ABCA9: variants seen among roughly 807,000 people sequenced by gnomAD.
The protein encoded by ABCA9 is ATP binding cassette subfamily A member 9.
Under a neutral mutation model 205.3 loss-of-function variants are expected in ABCA9, and 183 were observed. The ratio of observed to expected loss-of-function variants is 0.89; its 90% CI spans 0.79 to 1.01. The LOEUF is 1.01. ABCA9 is among the 50% of genes least tolerant of loss of function. ABCA9 has a pLI of 0.00. For synonymous variants in ABCA9, 651 were observed against 683.3 expected, an observed-to-expected ratio of 0.95 and a Z score of 0.74; for missense variants, 1,805 against 1,912.4, an observed-to-expected ratio of 0.94 and a Z score of 1.05.
chr17:69,052,164 A>T (rs538347435), intron 1 of ABCA9, among the ~76,000 whole-genome samples: 119 of 152,296 alleles, frequency 7.8e-4, no homozygotes, highest in Middle Eastern at 3.4e-3. Context: ...TGAAGCCAGG[A>T]GTTAGAGACT....
intron 28 of ABCA9, among the ~76,000 whole-genome samples, 200 bp downstream of exon 28, chr17:68,991,975 G>A (rs965260244): frequency 1.3e-4 from 19 of 151,884 alleles, no homozygotes; most frequent in African/African-American, 3.9e-4. Flanking sequence ...CCAGTGTCTC[G>A]TGTGTGCTAA....
At chr17:69,003,937 C>T (rs1032627337) in intron 25 of ABCA9, among the ~76,000 whole-genome samples, 1 of 152,164 alleles carries the variant, frequency 6.6e-6, no homozygotes, top group Non-Finnish European at 1.5e-5. Flanking sequence ...GCATTCTTCA[C>T]GTAGTTCTCG....
Position 69,027,395 on chromosome 17 carries a change from G to A in ABCA9, c.1846C>T (p.Gln616Ter). 6.2e-7 allele frequency: 1 copy of A among 1,613,076 alleles called. No individual in the cohort carries two copies. Among genetic ancestry groups the A allele is most frequent in the Non-Finnish European group, 8.5e-7 (1 of 1,179,508 alleles). ...EMENIQDILA[Q>*]NLSGGQNRKL... ...CTATTTTGTCCACCACTTAAGTTTTGAGCAAGGATGTCTTGAATATTTTCC... is the reference window on the plus strand; with the variant it reads ...CTATTTTGTCCACCACTTAAGTTTTAAGCAAGGATGTCTTGAATATTTTCC... The change falls in exon 14 of 39, where the codon CAA becomes TAA. Residue 616 changes from glutamine (Q) to a stop codon, truncating the protein, a stop_gained. Coordinates refer to ENST00000340001, the MANE Select transcript of ABCA9 (RefSeq NM_080283.4). LOFTEE classifies it high-confidence loss of function.
At chr17:69,011,417 A>C (rs2070367022) in intron 23 of ABCA9, among the ~76,000 whole-genome samples, 1 of 152,222 alleles carries the variant, frequency 6.6e-6, no homozygotes, top group African/African-American at 2.4e-5. Context: ...TTAAGAGCAG[A>C]ATAAATAAAA....
chr17:68,981,192 G>T (rs978351401), intron 37 of ABCA9, among the ~76,000 whole-genome samples: 1 of 152,036 alleles, frequency 6.6e-6, no homozygotes, highest in East Asian at 1.9e-4. Flanking sequence ...AGTCAGACAG[G>T]ATAAATAAAT....
In ABCA9 at chr17:68,992,785, T is replaced by G; in HGVS notation, c.3624+231A>C. ...CTGAGATAGCGCCATTGCACTCCAG[T>G]CTGGGCAACAAGAGTGAAACTCTGT... is the stretch of plus-strand genomic sequence containing the variant. On this transcript the variant is annotated intron_variant, in intron 27 of 38. Coordinates refer to ENST00000340001, the MANE Select transcript of ABCA9 (RefSeq NM_080283.4). 7.9e-6 allele frequency: 3 copies of G among 377,742 alleles called. No individual in the cohort carries two copies. In the East Asian group the frequency reaches 1.5e-4, roughly 19 times the overall value. 23.4% of individuals were successfully genotyped at this position (377,742 alleles called of 1,614,324 possible).
In ABCA9 at chr17:68,984,898, G is replaced by A; in HGVS notation, c.4366C>T (p.Gln1456Ter). Residue 1456 changes from glutamine (Q) to a stop codon, truncating the protein, a stop_gained, in exon 34 of 39, where the codon CAG becomes TAG. Transcript: ENST00000340001. LOFTEE classifies it high-confidence loss of function. ...EPSTGMDPEG[Q>*]QQMWQVIRAT... is the part of the protein sequence containing the mutation. Reference sequence around the variant, plus strand: ...ATAGCACCTCACCACATTTGCTGCTGCCCCTCGGGGTCCATCCCGGTCGAC... The same window carrying A: ...ATAGCACCTCACCACATTTGCTGCTACCCCTCGGGGTCCATCCCGGTCGAC... The A allele has an allele frequency of 6.2e-7, 1 of 1,614,132 alleles. No individual in the cohort carries two copies. Among genetic ancestry groups the A allele is most frequent in the Non-Finnish European group, 8.5e-7 (1 of 1,180,042 alleles).
intron 22 of ABCA9, 124 bp downstream of exon 22, chr17:69,016,117 TATATATACACAC>T (rs1567944900): frequency 7.1e-6 from 2 of 283,126 alleles, no homozygotes; most frequent in African/African-American, 5.0e-5. Context: ...TATATATATA[TATATATACACAC>T]ACACACACAC....
intron 7 of ABCA9, 26 bp from the exon 8 acceptor site, chr17:69,035,457 G>T: frequency 6.5e-7 from 1 of 1,529,722 alleles, no homozygotes; most frequent in Non-Finnish European, 8.7e-7. Context: ...GACTTCAGCT[G>T]GTATATAATT....
At chr17:69,009,899 C>T (rs1004754377) in intron 23 of ABCA9, among the ~76,000 whole-genome samples, 5 of 152,250 alleles carry the variant, frequency 3.3e-5, no homozygotes, top group Non-Finnish European at 7.4e-5. Flanking sequence ...AGATAAATAA[C>T]TTTTTGAGTA....
intron 31 of ABCA9, among the ~76,000 whole-genome samples, chr17:68,987,965 T>C (rs143741031): frequency 6.6e-6 from 1 of 152,174 alleles, no homozygotes; most frequent in Non-Finnish European, 1.5e-5. Context: ...TGCTTCTCCA[T>C]GTTGGTCAGA....
At chr17:69,051,197 G>A in intron 1 of ABCA9, 58 bp from the exon 2 acceptor site, 1 of 1,472,264 alleles carries the variant, frequency 6.8e-7, no homozygotes, top group Non-Finnish European at 9.2e-7. Flanking sequence ...AGAAAACATT[G>A]TGCAATCAAA....
chr17:69,012,304 C>T, intron 22 of ABCA9: 1 of 457,324 alleles, frequency 2.2e-6, no homozygotes, highest in Non-Finnish European at 3.9e-6. Flanking sequence ...GAAGCAAATT[C>T]AACCAAGTGA....
chr17:69,011,850 G>T, intron 23 of ABCA9, 126 bp downstream of exon 23: 1 of 518,734 alleles, frequency 1.9e-6, no homozygotes, highest in Non-Finnish European at 3.3e-6. Context: ...TTATTAAAGT[G>T]CTTGATTATT....
chr17:69,062,358 C>A (rs1383471533), upstream of ABCA9, among the ~76,000 whole-genome samples: 3 of 151,836 alleles, frequency 2.0e-5, no homozygotes, highest in African/African-American at 7.3e-5. Flanking sequence ...AGTTCTGGAC[C>A]TAGTTGATTT....
chr17:69,061,285 A>T (rs1046914589), upstream of ABCA9: 5 of 350,264 alleles, frequency 1.4e-5, no homozygotes, highest in Non-Finnish European at 2.0e-5. Context: ...TAAGAAGCCA[A>T]TCCAGAGAAG....
chr17:69,051,295 A>G (rs1206343012), intron 1 of ABCA9, among the ~76,000 whole-genome samples, 156 bp from the exon 2 acceptor site: 1 of 152,248 alleles, frequency 6.6e-6, no homozygotes, highest in Non-Finnish European at 1.5e-5. Flanking sequence ...ATGTGAGGAA[A>G]TGTTTAAACT....
intron 25 of ABCA9, among the ~76,000 whole-genome samples, chr17:68,999,883 A>G (rs1435597838): frequency 4.6e-5 from 7 of 152,066 alleles, no homozygotes; most frequent in African/African-American, 1.4e-4. Context: ...GCCAGTGATG[A>G]TGAGCATTAT....
In ABCA9 at chr17:69,027,675, T is replaced by G. The variant is rs140006071; in HGVS notation, c.1756A>C (p.Ile586Leu). ...VKENLRLFAK[I>L]KGILPHEVEK... ...ACTTCATGTGGCAAAATCCCTTTTA[T>G]TTTAGCAAACAGCCTGAGGTTTTCT... The change falls in exon 13 of 39, where the codon ATA becomes CTA. Residue 586 changes from isoleucine to leucine, a missense_variant. Transcript: ENST00000340001. The G allele has an allele frequency of 1.4e-5, 23 of 1,613,488 alleles. No homozygotes were observed. The African/African-American group carries it at 2.7e-4, about 19-fold the overall frequency.
Sources: gnomAD v4.1 joint callset for allele counts (sites outside exome capture counted in the v4.1 genomes callset) on GRCh38, gnomAD v4.1.1 for gene constraint, MANE v1.5 for transcripts, NCBI Gene and HGNC (gene_info 2026-07-23, HGNC 2026-07-21) for gene names.